The following CSMD1 variants were observed in gnomAD, a reference collection of about 807,000 sequenced individuals.
The protein encoded by CSMD1 is CUB and sushi domain-containing protein 1.
A neutral mutation model predicts 417.5 loss-of-function variants in CSMD1; 213 were observed. The ratio of observed to expected loss-of-function variants is 0.51; its 90% CI spans 0.46 to 0.57. The LOEUF (loss-of-function observed/expected upper bound fraction) is 0.57. CSMD1 is among the 20% of genes least tolerant of loss of function. The probability of loss-of-function intolerance (pLI) is 0.00; values close to 1 mark genes in which losing one functional copy is unlikely to be tolerated. For missense variants in CSMD1, 6,923 were observed against 4,529.7 expected (o/e 1.53, Z -15.17); for synonymous variants, 2,862 against 1,736.8 (o/e 1.65, Z -16.11).
At chr8:4,779,169 T>G (rs1797024200) in intron 1 of CSMD1, among the ~76,000 whole-genome samples, 2 of 152,202 alleles carry the variant, frequency 1.3e-5, no homozygotes, top group South Asian at 4.1e-4. Context: ...CGGTTTAAAA[T>G]ATTTTCCAGT....
chr8:3,983,249 G>C (rs987958700), intron 5 of CSMD1, among the ~76,000 whole-genome samples: 3 of 151,180 alleles, frequency 2.0e-5, no homozygotes, highest in Admixed American at 6.6e-5. Flanking sequence ...TCCTGCCTCA[G>C]CCTCCCGAGT....
At chr8:4,551,236 G>A (rs556124190) in intron 2 of CSMD1, among the ~76,000 whole-genome samples, 2 of 150,938 alleles carry the variant, frequency 1.3e-5, no homozygotes, top group African/African-American at 2.4e-5. Flanking sequence ...GAAAATCCTC[G>A]AATGCAGAGG....
chr8:3,805,957 C>T (rs1800713400), intron 5 of CSMD1, among the ~76,000 whole-genome samples: 1 of 152,154 alleles, frequency 6.6e-6, no homozygotes, highest in Admixed American at 6.5e-5. Flanking sequence ...AAGGCTCCTT[C>T]TTCTTCCGTC....
At chr8:4,294,504 T>C (rs760551781) in intron 3 of CSMD1, among the ~76,000 whole-genome samples, 2 of 152,152 alleles carry the variant, frequency 1.3e-5, no homozygotes, top group Non-Finnish European at 2.9e-5. Context: ...CTCAGGATAA[T>C]GCCATGAGTT....
At chr8:4,016,871 G>C (rs900111980) in intron 4 of CSMD1, among the ~76,000 whole-genome samples, 15 of 152,098 alleles carry the variant, frequency 9.9e-5, no homozygotes, top group African/African-American at 3.6e-4. Flanking sequence ...AGTTTTAGTT[G>C]GGTATGGTTC....
intron 10 of CSMD1, among the ~76,000 whole-genome samples, chr8:3,494,074 T>C (rs78139563): frequency 3.3e-5 from 5 of 152,350 alleles, no homozygotes; most frequent in South Asian, 4.1e-4. Context: ...ATGTTGGTTA[T>C]AGTTAATGAC....
At chr8:3,457,269 T>C (rs1197356045) in intron 12 of CSMD1, among the ~76,000 whole-genome samples, 2 of 151,984 alleles carry the variant, frequency 1.3e-5, no homozygotes, top group African/African-American at 4.8e-5. Flanking sequence ...TCCCTTGCCC[T>C]GTACCCCTCA....
At chr8:3,064,693 G>A (rs768123474) in intron 49 of CSMD1, among the ~76,000 whole-genome samples, 46 of 151,958 alleles carry the variant, frequency 3.0e-4, no homozygotes, top group African/African-American at 8.0e-4. Context: ...AAACATCCCC[G>A]CATTTTCTCA....
chr8:4,145,194 G>A (rs759154033), intron 3 of CSMD1, among the ~76,000 whole-genome samples: 2 of 151,012 alleles, frequency 1.3e-5, no homozygotes, highest in Non-Finnish European at 2.9e-5. Flanking sequence ...ACACTAGTAC[G>A]TGTTTATATT....
At chr8:4,865,958 T>C (rs1251395878) in intron 1 of CSMD1, among the ~76,000 whole-genome samples, 4 of 151,642 alleles carry the variant, frequency 2.6e-5, no homozygotes, top group African/African-American at 4.8e-5. Flanking sequence ...TTTTTAAAAA[T>C]ATATTTACAC....
chr8:4,202,814 A>T (rs1026935905), intron 3 of CSMD1, among the ~76,000 whole-genome samples: 1 of 152,232 alleles, frequency 6.6e-6, no homozygotes, highest in Non-Finnish European at 1.5e-5. Context: ...GAAAATACCT[A>T]GAAAAAGAGG....
At chr8:3,826,700 A>G (rs1802075146) in intron 5 of CSMD1, among the ~76,000 whole-genome samples, 1 of 152,172 alleles carries the variant, frequency 6.6e-6, no homozygotes, top group Non-Finnish European at 1.5e-5. Context: ...GGTCCTTGAT[A>G]ATTTCTTTAT....
intron 5 of CSMD1, among the ~76,000 whole-genome samples, chr8:3,801,031 A>G (rs1025672823): frequency 6.6e-6 from 1 of 152,184 alleles, no homozygotes; most frequent in East Asian, 1.9e-4. Context: ...AAAGCAAAAG[A>G]GTAAATCTTT....
At chr8:3,494,297 A>C (rs2117306669) in intron 10 of CSMD1, among the ~76,000 whole-genome samples, 1 of 152,274 alleles carries the variant, frequency 6.6e-6, no homozygotes, top group Non-Finnish European at 1.5e-5. Context: ...ACATCTGTAC[A>C]ACAATGGTTT....
chr8:3,332,923 T>C (rs980257580), intron 23 of CSMD1, among the ~76,000 whole-genome samples: 4 of 152,186 alleles, frequency 2.6e-5, no homozygotes, highest in African/African-American at 9.7e-5. Context: ...CGGAAGTGTC[T>C]GTTCTGTCGA....
At chr8:4,051,347 C>G (rs543397384) in intron 3 of CSMD1, among the ~76,000 whole-genome samples, 2 of 151,022 alleles carry the variant, frequency 1.3e-5, no homozygotes, top group African/African-American at 2.5e-5. Context: ...AAGCCAGACT[C>G]GGCAGCTTCT....
chr8:3,966,509 A>C (rs951452746), intron 5 of CSMD1, among the ~76,000 whole-genome samples: 1 of 152,160 alleles, frequency 6.6e-6, no homozygotes, highest in African/African-American at 2.4e-5. Context: ...CAGGAGAATC[A>C]GTTCCTGGGA....
intron 10 of CSMD1, among the ~76,000 whole-genome samples, chr8:3,516,261 C>T (rs1797277795): frequency 1.3e-5 from 2 of 152,270 alleles, no homozygotes; most frequent in South Asian, 4.1e-4. Flanking sequence ...ACCAGCTGTG[C>T]ATAGGTATGG....
At chr8:3,024,582 T>C (rs1187120711) in intron 51 of CSMD1, among the ~76,000 whole-genome samples, 2 of 152,180 alleles carry the variant, frequency 1.3e-5, no homozygotes, top group Non-Finnish European at 2.9e-5. Flanking sequence ...GTTGTGATTA[T>C]AGGCATGAGC....
Sources: gnomAD v4.1 joint callset for allele counts (sites outside exome capture counted in the v4.1 genomes callset) on GRCh38, gnomAD v4.1.1 for gene constraint, MANE v1.5 for transcripts, NCBI Gene and HGNC (gene_info 2026-07-23, HGNC 2026-07-21) for gene names.